The following DSE variants were observed in gnomAD, a reference collection of about 807,000 sequenced individuals.
DSE encodes dermatan-sulfate epimerase.
DSE carries 36 observed loss-of-function variants against 84.4 expected under a neutral mutation model. The observed-to-expected ratio is 0.43, with a 90% confidence interval of 0.33 to 0.56. The LOEUF is 0.56. Ranked by LOEUF, DSE falls within the 20% of genes least tolerant of loss-of-function variation. DSE has a pLI of 0.06. For synonymous variants in DSE, 410 were observed against 430.1 expected (o/e 0.95, Z 0.58); for missense variants, 862 against 1,169.6 (o/e 0.74, Z 3.84).
intron 2 of DSE, among the ~76,000 whole-genome samples, chr6:116,343,058 G>A (rs1206190373): frequency 6.6e-6 from 1 of 152,206 alleles, no homozygotes. Context: ...TAGCACAGCA[G>A]TCTGAGATTG....
chr6:116,422,255 C>A (rs1783138454), intron 2 of DSE, among the ~76,000 whole-genome samples: 1 of 152,178 alleles, frequency 6.6e-6, no homozygotes, highest in Admixed American at 6.5e-5. Context: ...TCAGAAAAAT[C>A]TTTAAGTATT....
intron 1 of DSE, among the ~76,000 whole-genome samples, chr6:116,375,682 A>G (rs538040063): frequency 3.9e-5 from 6 of 152,366 alleles, no homozygotes; most frequent in Admixed American, 6.5e-5. Context: ...GGATAGCAGG[A>G]CCATTACTAT....
Position 116,268,081 on chromosome 6 carries a change from C to T in DSE, c.-54+9114C>T, listed in dbSNP as rs544406697. 1.5e-3 allele frequency among the ~76,000 whole-genome samples: 222 copies of T among 152,264 alleles called. 2 individuals are homozygous for T. The highest frequency in any genetic ancestry group is 6.8e-3 in the Middle Eastern group (2 of 294). ...CAGTAATGTCCTAGACCTTCACATG[C>T]GCTTACCACTCACTCACTGACTCAC... On this transcript the variant is annotated intron_variant, in intron 2 of 3. Transcript: ENST00000430252.
intron 2 of DSE, among the ~76,000 whole-genome samples, chr6:116,285,550 T>C (rs569314618): frequency 6.6e-6 from 1 of 152,368 alleles, no homozygotes; most frequent in East Asian, 1.9e-4. Flanking sequence ...CAGTTTTGGC[T>C]TTTGTTGCCA....
At chr6:116,296,929 G>A (rs7771650) in intron 2 of DSE, among the ~76,000 whole-genome samples, 37,523 of 151,956 alleles carry the variant, frequency 0.25, 5,647 homozygotes, top group East Asian at 0.64. Flanking sequence ...AATCATTTGC[G>A]CTGTTTTGTG....
chr6:116,280,810 G>A (rs558534671), intron 2 of DSE, among the ~76,000 whole-genome samples: 90 of 152,334 alleles, frequency 5.9e-4, no homozygotes, highest in African/African-American at 1.8e-3. Context: ...ACCATTTTGT[G>A]AGGAAAGGCT....
intron 1 of DSE, among the ~76,000 whole-genome samples, chr6:116,388,025 G>A (rs1780672244): frequency 6.6e-6 from 1 of 151,692 alleles, no homozygotes; most frequent in South Asian, 2.1e-4. Context: ...TAGTATATTA[G>A]GGTTCTCCAG....
At chr6:116,293,498 G>A (rs938548715) in intron 2 of DSE, among the ~76,000 whole-genome samples, 1 of 151,954 alleles carries the variant, frequency 6.6e-6, no homozygotes, top group Non-Finnish European at 1.5e-5. Context: ...CTTAATTCTG[G>A]AAGATGAGGC....
chr6:116,397,404 G>A (rs1202482336), intron 1 of DSE, among the ~76,000 whole-genome samples: 3 of 151,466 alleles, frequency 2.0e-5, no homozygotes, highest in South Asian at 2.1e-4. Context: ...ATGGGGTTTC[G>A]CCATTTTGGC....
chr6:116,320,962 C>T (rs1200518973), intron 2 of DSE, among the ~76,000 whole-genome samples: 3 of 152,054 alleles, frequency 2.0e-5, no homozygotes, highest in Non-Finnish European at 4.4e-5. Flanking sequence ...TGTACTAAGG[C>T]GATGGAGAGA....
At chr6:116,400,534 G>A (rs950287886) in intron 2 of DSE, 1 of 152,158 alleles carries the variant, frequency 6.6e-6, no homozygotes, top group African/African-American at 2.4e-5. Context: ...ATGCTATGAT[G>A]AATTACATCT....
intron 2 of DSE, among the ~76,000 whole-genome samples, chr6:116,275,829 T>C (rs1204272106): frequency 6.7e-6 from 1 of 148,852 alleles, no homozygotes; most frequent in East Asian, 1.9e-4. Flanking sequence ...CTAGATGCAA[T>C]GAACCATGTA....
intron 1 of DSE, among the ~76,000 whole-genome samples, chr6:116,383,829 A>G (rs891152323): frequency 5.9e-5 from 9 of 152,234 alleles, no homozygotes; most frequent in African/African-American, 2.2e-4. Context: ...CTTGTTCTAC[A>G]TAATATATGT....
At chr6:116,402,235 A>G (rs964913695) in intron 2 of DSE, among the ~76,000 whole-genome samples, 1 of 152,148 alleles carries the variant, frequency 6.6e-6, no homozygotes, top group Admixed American at 6.5e-5. Context: ...GGATCATTTC[A>G]TAAGGAGTTT....
chr6:116,403,215 G>A lies in DSE; in HGVS notation c.416+3549G>A, dbSNP rs543747545. On this transcript the variant is annotated intron_variant, in intron 2 of 5. Transcript: ENST00000644252. ...CATCCTATCTCAGAAGCTCTCCCCC[G>A]TTTCTCTCCCTTTTGCTAAGGAACA... Among the ~76,000 whole-genome samples, 41 of 152,056 alleles carry A rather than the reference G, an allele frequency of 2.7e-4. No individual in the cohort carries two copies. The South Asian group carries it at 8.3e-3, about 31-fold the overall frequency.
chr6:116,399,367 C>A lies in DSE; in HGVS notation c.117C>A (p.Asn39Lys). 1 of 1,614,138 alleles carries A rather than the reference C, an allele frequency of 6.2e-7. No individual in the cohort carries two copies. The highest frequency in any genetic ancestry group is 8.5e-7 in the Non-Finnish European group (1 of 1,180,050). ...TTATGATTCCCTTCACCAATGCCAA[C>A]TACGACAGCCATCCCATGCTGTACT... Reference protein sequence around the residue: ...PEVMIPFTNANYDSHPMLYFS... With the variant: ...PEVMIPFTNAKYDSHPMLYFS... The change falls in exon 2 of 6, where the codon AAC becomes AAA. Residue 39 changes from asparagine to lysine, a missense_variant. Coordinates refer to ENST00000644252, the MANE Select transcript of DSE (RefSeq NM_013352.4).
intron 2 of DSE, among the ~76,000 whole-genome samples, chr6:116,318,303 G>A (rs907462750): frequency 9.9e-5 from 15 of 152,072 alleles, no homozygotes; most frequent in African/African-American, 1.9e-4. Flanking sequence ...TCAAGAGATC[G>A]AGACCATCCT....
In DSE at chr6:116,437,555, A is replaced by G. The variant is rs115928542; in HGVS notation, c.*210A>G. 1,042 of 517,210 alleles carry G rather than the reference A, an allele frequency of 2.0e-3. 10 individuals are homozygous for G. Among genetic ancestry groups the G allele is most frequent in the African/African-American group, 0.019 (946 of 51,038 alleles). 32.0% of individuals were successfully genotyped at this position (517,210 alleles called of 1,614,324 possible). ...GCAATAGAAATAGCTTGGTGGTCCT[A>G]TGGTGTTTTTGGAAGTATTTGGCAT... On this transcript the variant is annotated 3_prime_UTR_variant, in exon 6 of 6. Transcript: ENST00000644252.
At chr6:116,259,432 T>C (rs1021039770) in intron 2 of DSE, among the ~76,000 whole-genome samples, 5 of 152,218 alleles carry the variant, frequency 3.3e-5, no homozygotes, top group African/African-American at 9.6e-5. Context: ...AGCTTTATGA[T>C]AAAGTTCTGG....
Sources: allele counts gnomAD v4.1 joint callset (sites outside exome capture counted in the v4.1 genomes callset), GRCh38; gene constraint gnomAD v4.1.1; transcripts MANE v1.5; gene names NCBI Gene and HGNC (gene_info 2026-07-23, HGNC 2026-07-21).